RERE: variants seen among roughly 807,000 people sequenced by gnomAD.
RERE encodes arginine-glutamic acid dipeptide repeats, also known as arginine-glutamic acid dipeptide repeats protein.
Under a neutral mutation model 146.1 loss-of-function variants are expected in RERE, and 40 were observed. The observed-to-expected ratio is 0.27, with a 90% CI of 0.21 to 0.36. RERE has a LOEUF of 0.36. RERE is among the 10% of genes least tolerant of loss of function. The probability of loss-of-function intolerance (pLI) is 1.00; values close to 1 mark genes in which losing one functional copy is unlikely to be tolerated. For synonymous variants in RERE, 1,003 were observed against 866.0 expected (o/e 1.16, Z -2.78); for missense variants, 1,933 against 2,138.7 (o/e 0.90, Z 1.90).
At chr1:8,736,351 C>T (rs911337134) in intron 1 of RERE, among the ~76,000 whole-genome samples, 15 of 152,178 alleles carry the variant, frequency 9.9e-5, no homozygotes, top group Non-Finnish European at 1.5e-4. Context: ...GGACTACAGG[C>T]GCCCGCCACC....
At position 8,712,820 on chromosome 1, in the gene RERE, G is replaced by A. The variant is rs1241639253; in HGVS notation, c.-144-56379C>T. On this transcript the variant is annotated intron_variant, in intron 1 of 22. Coordinates refer to ENST00000400908, the MANE Select transcript of RERE (RefSeq NM_001042681.2). ...ACAAAATAAAAAAAAAACACAGGAT[G>A]TAACCACAGCTATATTGGTCTTTTT... is the stretch of plus-strand genomic sequence containing the variant. Among the ~76,000 whole-genome samples the A allele has an allele frequency of 2.6e-5, 4 of 151,714 alleles. No individual in the cohort carries two copies. The East Asian group carries it at 7.7e-4, about 29-fold the overall frequency.
At chr1:8,671,763 T>C (rs1325909238) in intron 1 of RERE, among the ~76,000 whole-genome samples, 1 of 152,042 alleles carries the variant, frequency 6.6e-6, no homozygotes, top group Non-Finnish European at 1.5e-5. Context: ...CTAGAAAAAA[T>C]GAAATTTAAT....
chr1:8,362,473 G>A (rs1458629314), intron 16 of RERE, among the ~76,000 whole-genome samples: 2 of 152,154 alleles, frequency 1.3e-5, no homozygotes, highest in Admixed American at 1.3e-4. Context: ...TGAGGCAGAG[G>A]TGGCCCCCAA....
chr1:8,611,407 G>C (rs930532968), intron 4 of RERE, among the ~76,000 whole-genome samples: 2 of 151,568 alleles, frequency 1.3e-5, no homozygotes, highest in African/African-American at 4.9e-5. Flanking sequence ...AGGAGGCTGA[G>C]GCAGGAGAAT....
chr1:8,424,910 A>G (rs1190433483), intron 11 of RERE: 1 of 152,560 alleles, frequency 6.6e-6, no homozygotes, highest in Non-Finnish European at 1.5e-5. Flanking sequence ...GGGAACTGCA[A>G]GGAGGACAGG....
intron 1 of RERE, among the ~76,000 whole-genome samples, chr1:8,658,398 G>A: frequency 6.6e-6 from 1 of 152,126 alleles, no homozygotes; most frequent in Non-Finnish European, 1.5e-5. Flanking sequence ...ACAAAAGATT[G>A]GTCCTCTTTA....
intron 11 of RERE, among the ~76,000 whole-genome samples, chr1:8,433,262 C>A (rs977823504): frequency 6.6e-6 from 1 of 152,130 alleles, no homozygotes; most frequent in South Asian, 2.1e-4. Flanking sequence ...ATGGAACAGT[C>A]GTAAAGCAGG....
At chr1:8,814,838 G>A (rs1407784660) in intron 1 of RERE, among the ~76,000 whole-genome samples, 2 of 152,114 alleles carry the variant, frequency 1.3e-5, no homozygotes, top group Non-Finnish European at 2.9e-5. Context: ...AAGGAGTCCT[G>A]GGAAGTCACA....
intron 1 of RERE, among the ~76,000 whole-genome samples, chr1:8,694,986 A>G (rs1336639126): frequency 1.3e-4 from 9 of 70,120 alleles, no homozygotes; most frequent in African/African-American, 1.8e-4. Flanking sequence ...GGGGGGGGGG[A>G]ATGCTGGCAG....
At chr1:8,477,428 T>G (rs1026363049) in intron 10 of RERE, among the ~76,000 whole-genome samples, 3 of 152,156 alleles carry the variant, frequency 2.0e-5, no homozygotes, top group Non-Finnish European at 4.4e-5. Context: ...TGGCCACAAG[T>G]GGAAATGGTT....
At chr1:8,430,377 C>T (rs1570223366) in intron 11 of RERE, among the ~76,000 whole-genome samples, 1 of 152,204 alleles carries the variant, frequency 6.6e-6, no homozygotes, top group Non-Finnish European at 1.5e-5. Context: ...ACTTTAAAAA[C>T]ACTTTGCACT....
chr1:8,657,224 G>A (rs1638340875), intron 1 of RERE, among the ~76,000 whole-genome samples: 1 of 148,628 alleles, frequency 6.7e-6, no homozygotes, highest in South Asian at 2.1e-4. Flanking sequence ...AGAATGGCGT[G>A]AACCCAGGAG....
At chr1:8,571,011 A>T (rs184372889) in intron 4 of RERE, among the ~76,000 whole-genome samples, 162 of 152,370 alleles carry the variant, frequency 1.1e-3, no homozygotes, top group African/African-American at 3.8e-3. Flanking sequence ...AGCTCAGGAT[A>T]TAAAAGAAAT....
intron 1 of RERE, among the ~76,000 whole-genome samples, chr1:8,789,777 C>A (rs1051758667): frequency 6.6e-6 from 1 of 152,090 alleles, no homozygotes; most frequent in African/African-American, 2.4e-5. Context: ...TGCCTCAGGC[C>A]GACCCCTGCC....
In RERE at chr1:8,405,788, G is replaced by A. The variant is rs572116063; in HGVS notation, c.1284+16939C>T. On this transcript the variant is annotated intron_variant, in intron 12 of 22. Coordinates refer to ENST00000400908, the MANE Select transcript of RERE (RefSeq NM_001042681.2). ...TGAGTAGCTGGGACTACATGCACAC[G>A]CCACCACGCCCAGCTAATTTTTGTA... 1.5e-4 allele frequency among the ~76,000 whole-genome samples: 23 copies of A among 152,076 alleles called. No homozygotes were observed. The South Asian group carries it at 4.2e-3, about 27-fold the overall frequency.
chr1:8,520,754 T>TAAAAAAAAAAAAAAAAAAAA (rs145670197), intron 7 of RERE, among the ~76,000 whole-genome samples: 1 of 92,976 alleles, frequency 1.1e-5, no homozygotes, highest in Non-Finnish European at 1.9e-5. Context: ...AAAAACTTTT[T>TAAAAAAAAAAAAAAAAAAAA]AAAAAAAAAA....
intron 1 of RERE, among the ~76,000 whole-genome samples, chr1:8,695,024 C>T (rs1468312535): frequency 7.5e-6 from 1 of 133,866 alleles, no homozygotes; most frequent in Non-Finnish European, 1.5e-5. Context: ...TCAAGCTATA[C>T]TATAAGGCTA....
chr1:8,432,958 C>G (rs1306834489), intron 11 of RERE, among the ~76,000 whole-genome samples: 1 of 152,128 alleles, frequency 6.6e-6, no homozygotes, highest in Non-Finnish European at 1.5e-5. Flanking sequence ...TAAGGTACTT[C>G]TTAAGATACT....
rs144721444 is a variant in RERE at position 8,656,058 on chromosome 1, C to T, written c.240G>A (p.Pro80=). 5.2e-4 allele frequency: 837 copies of T among 1,613,300 alleles called. 2 individuals carry two copies. The highest frequency in any genetic ancestry group is 4.6e-3 in the Middle Eastern group (28 of 6,054). The change falls in exon 2 of 23, where the codon CCG becomes CCA. Residue 80 remains proline, a synonymous_variant. Coordinates refer to ENST00000400908, the MANE Select transcript of RERE (RefSeq NM_001042681.2). Reference sequence around the variant, plus strand: ...TCCTTTCATAACGAGACTTTTTTTTCGGTGGTTTCTTCTTATTCTTCTTCG... The same window carrying T: ...TCCTTTCATAACGAGACTTTTTTTTTGGTGGTTTCTTCTTATTCTTCTTCG... ...ESTKKNKKKP[P]KKKSRYERTD...
Sources: allele counts gnomAD v4.1 joint callset (sites outside exome capture counted in the v4.1 genomes callset), GRCh38; gene constraint gnomAD v4.1.1; transcripts MANE v1.5; gene names NCBI Gene and HGNC (gene_info 2026-07-23, HGNC 2026-07-21).